The following LIN7A variants were observed in gnomAD, a reference collection of about 807,000 sequenced individuals.
LIN7A encodes lin-7 cell polarity scaffold A, also known as protein lin-7 homolog A.
LIN7A carries 25 observed loss-of-function variants against 29.8 expected under a neutral mutation model. The ratio of observed to expected loss-of-function variants is 0.84; its 90% confidence interval spans 0.61 to 1.17. The LOEUF (loss-of-function observed/expected upper bound fraction) is 1.17, where lower values mean the gene tolerates loss of function less well. Among genes scored for constraint, LIN7A ranks in the 50% most tolerant of loss-of-function variants. The probability of loss-of-function intolerance (pLI) is 0.00; values close to 1 mark genes in which losing one functional copy is unlikely to be tolerated. For synonymous variants in LIN7A, 118 were observed against 107.5 expected (o/e 1.10, Z -0.60); for missense variants, 239 against 287.0 (o/e 0.83, Z 1.21).
intron 1 of LIN7A, among the ~76,000 whole-genome samples, chr12:80,931,797 T>C (rs1877926465): frequency 6.6e-6 from 1 of 152,186 alleles, no homozygotes; most frequent in Non-Finnish European, 1.5e-5. Flanking sequence ...AGCAAGCGCT[T>C]ACTTGTTTGT....
In LIN7A at chr12:80,934,347, C is replaced by T. The variant is rs868390958; in HGVS notation, c.82+3294G>A. On this transcript the variant is annotated intron_variant, in intron 1 of 5. Transcript: ENST00000552864. ...CAAAGTCAATAAGAACTTACAATGACCATAGCCACCCAGAGACCTTTACAG... is the reference window on the plus strand; with the variant it reads ...CAAAGTCAATAAGAACTTACAATGATCATAGCCACCCAGAGACCTTTACAG... Among the ~76,000 whole-genome samples, 7 of 152,260 alleles carry T rather than the reference C, an allele frequency of 4.6e-5. No homozygotes were observed. In the South Asian group the frequency reaches 1.2e-3, roughly 27 times the overall value.
chr12:80,816,649 C>A (rs1173608439), intron 4 of LIN7A, among the ~76,000 whole-genome samples: 1 of 152,060 alleles, frequency 6.6e-6, no homozygotes, highest in Admixed American at 6.6e-5. Flanking sequence ...CAGTAGATAA[C>A]CAAAGGCATA....
chr12:80,836,928 C>G (rs926995355), intron 4 of LIN7A, among the ~76,000 whole-genome samples: 1 of 151,428 alleles, frequency 6.6e-6, no homozygotes, highest in Non-Finnish European at 1.5e-5. Context: ...TGCATGTTTT[C>G]ACGTACATTT....
intron 2 of LIN7A, among the ~76,000 whole-genome samples, chr12:80,887,438 A>T (rs187024445): frequency 7.1e-4 from 108 of 152,312 alleles, no homozygotes; most frequent in African/African-American, 2.5e-3. Context: ...CAATGTTCTT[A>T]CTACATGGCC....
At chr12:80,909,095 G>T (rs1876626696) in intron 1 of LIN7A, among the ~76,000 whole-genome samples, 1 of 151,910 alleles carries the variant, frequency 6.6e-6, no homozygotes, top group Non-Finnish European at 1.5e-5. Flanking sequence ...AATAATATTG[G>T]TTTAGGTCTT....
intron 1 of LIN7A, among the ~76,000 whole-genome samples, chr12:80,916,626 A>C (rs1266988899): frequency 6.6e-6 from 1 of 152,084 alleles, no homozygotes; most frequent in African/African-American, 2.4e-5. Flanking sequence ...CCTAGAAGAG[A>C]GGTTGAAATA....
chr12:80,813,873 G>GA (rs1019906449), intron 4 of LIN7A, among the ~76,000 whole-genome samples: 3 of 151,774 alleles, frequency 2.0e-5, no homozygotes, highest in Non-Finnish European at 4.4e-5. Context: ...AAAGTACAGA[G>GA]AAAAAAAATC....
At chr12:80,817,955 C>G (rs1369160894) in intron 4 of LIN7A, among the ~76,000 whole-genome samples, 1 of 152,100 alleles carries the variant, frequency 6.6e-6, no homozygotes, top group Non-Finnish European at 1.5e-5. Flanking sequence ...ACTCCTAGCT[C>G]AAAAGTGTGA....
chr12:80,882,089 G>A (rs1035893237), intron 2 of LIN7A, among the ~76,000 whole-genome samples: 1 of 151,776 alleles, frequency 6.6e-6, no homozygotes, highest in Non-Finnish European at 1.5e-5. Flanking sequence ...TGAAAATTTG[G>A]AGCCATCCAT....
intron 2 of LIN7A, among the ~76,000 whole-genome samples, chr12:80,872,241 A>G (rs947577390): frequency 6.6e-6 from 1 of 152,166 alleles, no homozygotes. Flanking sequence ...AATATAAAGC[A>G]TGATTCAGCA....
At chr12:80,866,926 G>A (rs999716504) in intron 2 of LIN7A, among the ~76,000 whole-genome samples, 4 of 151,996 alleles carry the variant, frequency 2.6e-5, no homozygotes, top group Admixed American at 2.0e-4. Flanking sequence ...AACACCCAGT[G>A]GAAAAGAGGG....
intron 4 of LIN7A, among the ~76,000 whole-genome samples, chr12:80,840,438 T>C (rs1303312389): frequency 6.6e-6 from 1 of 152,210 alleles, no homozygotes; most frequent in Non-Finnish European, 1.5e-5. Flanking sequence ...TGTGAGTTCA[T>C]GTGTGCTTTT....
chr12:80,899,765 C>CTTTTTTTTTTTTTTTTTTTT lies in LIN7A; in HGVS notation c.83-10397_83-10396insAAAAAAAAAAAAAAAAAAAA, dbSNP rs760389788. Among the ~76,000 whole-genome samples the CTTTTTTTTTTTTTTTTTTTT allele has an allele frequency of 4.5e-5, 5 of 109,992 alleles. 1 individual carries two copies. The highest frequency in any genetic ancestry group is 2.7e-4 in the East Asian group (1 of 3,744). 72.2% of individuals were successfully genotyped at this position (109,992 alleles called of 152,430 possible). On this transcript the variant is annotated intron_variant, in intron 1 of 5. Coordinates refer to ENST00000552864, the MANE Select transcript of LIN7A (RefSeq NM_004664.4). ...CATTTCCTCTAGGTTTTCTTTTTTTCTTTTCTTTTTTTTTTTTTTTTGAGA... is the reference window on the plus strand; with the variant it reads ...CATTTCCTCTAGGTTTTCTTTTTTTCTTTTTTTTTTTTTTTTTTTTTTTTCTTTTTTTTTTTTTTTTGAGA...
chr12:80,832,040 T>G (rs1284607874), intron 4 of LIN7A, among the ~76,000 whole-genome samples: 1 of 152,302 alleles, frequency 6.6e-6, no homozygotes. Context: ...TTACAGACTT[T>G]ACTGAGTGGT....
chr12:80,879,857 A>C (rs1431619683), intron 2 of LIN7A, among the ~76,000 whole-genome samples: 1 of 152,130 alleles, frequency 6.6e-6, no homozygotes, highest in African/African-American at 2.4e-5. Context: ...GTTTATCAAG[A>C]CACCTGAGCT....
intron 1 of LIN7A, among the ~76,000 whole-genome samples, chr12:80,894,945 G>A (rs1875809073): frequency 6.6e-6 from 1 of 152,164 alleles, no homozygotes; most frequent in Non-Finnish European, 1.5e-5. Context: ...CCTAACAAAT[G>A]GAGAGGCCAG....
chr12:80,862,836 A>G (rs1391481663), intron 2 of LIN7A, among the ~76,000 whole-genome samples: 1 of 152,232 alleles, frequency 6.6e-6, no homozygotes, highest in Non-Finnish European at 1.5e-5. Flanking sequence ...ACTTGAGTGC[A>G]TACATTAGAT....
At chr12:80,869,713 T>C (rs1014820499) in intron 2 of LIN7A, among the ~76,000 whole-genome samples, 7 of 152,048 alleles carry the variant, frequency 4.6e-5, no homozygotes, top group Non-Finnish European at 1.0e-4. Context: ...TCTATATAAC[T>C]ACTAAAAGCA....
At chr12:80,899,765 C>CTTTTTTT (rs760389788) in intron 1 of LIN7A, among the ~76,000 whole-genome samples, 1,843 of 109,698 alleles carry the variant, frequency 0.017, 217 homozygotes, top group Middle Eastern at 0.044. Flanking sequence ...TTCTTTTTTT[C>CTTTTTTT]TTTTCTTTTT....
Sources: allele counts gnomAD v4.1 joint callset (sites outside exome capture counted in the v4.1 genomes callset), GRCh38; gene constraint gnomAD v4.1.1; transcripts MANE v1.5; gene names NCBI Gene and HGNC (gene_info 2026-07-23, HGNC 2026-07-21).